Variants in MEGF11 observed in about 807,000 individuals in gnomAD.
MEGF11 encodes multiple EGF like domains 11.
A neutral mutation model predicts 146.6 loss-of-function variants in MEGF11; 126 were observed. The ratio of observed to expected loss-of-function variants is 0.86; its 90% CI spans 0.74 to 1.00. MEGF11 has a LOEUF of 1.00. Among genes scored for constraint, MEGF11 ranks in the 50% least tolerant of loss-of-function variants. The pLI, the probability that MEGF11 is intolerant of heterozygous loss-of-function variation, is 0.00. For missense variants in MEGF11, 1,509 were observed against 1,521.2 expected, an observed-to-expected ratio of 0.99 and a Z score of 0.13; for synonymous variants, 532 against 583.4, an observed-to-expected ratio of 0.91 and a Z score of 1.27.
At chr15:66,102,124 C>T (rs1320788765) in intron 4 of MEGF11, among the ~76,000 whole-genome samples, 5 of 151,080 alleles carry the variant, frequency 3.3e-5, no homozygotes. Flanking sequence ...GCATTGCAGT[C>T]AATTCCCTTA....
rs1025045462 is a variant in MEGF11, at chr15:66,179,003, C to T, written c.-8-50592G>A. ...AAACCCCATAAATTCCTGTAGCCTC[C>T]GGGTAGCCAGTGTCTACTGCTGCTA... is the stretch of plus-strand genomic sequence containing the variant. On this transcript the variant is annotated intron_variant, in intron 1 of 25. Transcript: ENST00000395614. Among the ~76,000 whole-genome samples, 7 of 152,126 alleles carry T rather than the reference C, an allele frequency of 4.6e-5. No homozygotes were observed. The East Asian group carries it at 5.8e-4, about 13-fold the overall frequency.
chr15:66,111,137 G>C (rs759379879), intron 4 of MEGF11, among the ~76,000 whole-genome samples: 4 of 152,228 alleles, frequency 2.6e-5, no homozygotes, highest in Non-Finnish European at 5.9e-5. Context: ...TTTCTGTCCT[G>C]TAAAAGGGCA....
intron 3 of MEGF11, among the ~76,000 whole-genome samples, chr15:66,122,108 C>G (rs1251210357): frequency 1.3e-5 from 2 of 151,972 alleles, no homozygotes; most frequent in Non-Finnish European, 2.9e-5. Context: ...ACTAAAAATA[C>G]AAAAATTAGA....
chr15:65,988,008 C>CTTTTT (rs35039801), intron 5 of MEGF11, among the ~76,000 whole-genome samples: 43 of 93,606 alleles, frequency 4.6e-4, no homozygotes, highest in Admixed American at 8.6e-4. Flanking sequence ...AGTACCCGGT[C>CTTTTT]TTTTTTTTTT....
chr15:65,969,166 A>G (rs966381989), intron 8 of MEGF11, among the ~76,000 whole-genome samples: 5 of 152,154 alleles, frequency 3.3e-5, no homozygotes, highest in Non-Finnish European at 5.9e-5. Context: ...GACAGGGAAA[A>G]TCGACAGCAC....
At chr15:65,991,379 T>C (rs944846367) in intron 5 of MEGF11, among the ~76,000 whole-genome samples, 2 of 152,180 alleles carry the variant, frequency 1.3e-5, no homozygotes, top group Admixed American at 1.3e-4. Flanking sequence ...ATGTGAGATG[T>C]GATTATGATT....
chr15:66,066,711 C>T (rs1461659752), intron 5 of MEGF11, among the ~76,000 whole-genome samples: 1 of 152,260 alleles, frequency 6.6e-6, no homozygotes, highest in Non-Finnish European at 1.5e-5. Context: ...GGATGCCAGC[C>T]AGAGGGCTGA....
intron 7 of MEGF11, among the ~76,000 whole-genome samples, chr15:65,979,065 C>A (rs113157026): frequency 6.6e-6 from 1 of 152,102 alleles, no homozygotes; most frequent in African/African-American, 2.4e-5. Context: ...AGAGTCCTAA[C>A]GATTAGGCTC....
At chr15:66,074,034 C>T (rs747377978) in intron 5 of MEGF11, among the ~76,000 whole-genome samples, 7 of 152,140 alleles carry the variant, frequency 4.6e-5, no homozygotes, top group Non-Finnish European at 8.8e-5. Flanking sequence ...TCTTAACATC[C>T]TCCAGTCTTG....
At chr15:66,074,232 T>C (rs1271074629) in intron 5 of MEGF11, among the ~76,000 whole-genome samples, 1 of 152,254 alleles carries the variant, frequency 6.6e-6, no homozygotes, top group Non-Finnish European at 1.5e-5. Context: ...ATTCATTATT[T>C]TGCATGCTTT....
chr15:66,173,662 C>T (rs2090320261), intron 1 of MEGF11, among the ~76,000 whole-genome samples: 1 of 152,170 alleles, frequency 6.6e-6, no homozygotes, highest in Non-Finnish European at 1.5e-5. Context: ...GGAGTTTCTC[C>T]TATAGCTGTG....
intron 1 of MEGF11, among the ~76,000 whole-genome samples, chr15:66,204,693 G>A (rs933772673): frequency 6.6e-6 from 1 of 152,076 alleles, no homozygotes. Flanking sequence ...AGCACCCAGG[G>A]GCCTCCATCA....
intron 1 of MEGF11, among the ~76,000 whole-genome samples, chr15:66,200,168 A>G (rs973929305): frequency 6.6e-6 from 1 of 152,260 alleles, no homozygotes; most frequent in Admixed American, 6.5e-5. Context: ...CAATGGTTCA[A>G]CAATTCTCCA....
intron 5 of MEGF11, among the ~76,000 whole-genome samples, chr15:66,045,165 T>C (rs1429164291): frequency 2.0e-5 from 3 of 152,202 alleles, no homozygotes; most frequent in Non-Finnish European, 2.9e-5. Context: ...CCCAGGGCGG[T>C]TGGCCTTCAT....
At chr15:66,177,511 G>C (rs1416220140) in intron 1 of MEGF11, among the ~76,000 whole-genome samples, 1 of 151,800 alleles carries the variant, frequency 6.6e-6, no homozygotes, top group Non-Finnish European at 1.5e-5. Flanking sequence ...CCTCTCCTCT[G>C]GTTCCAGGGG....
chr15:66,148,846 A>C (rs1427365106), intron 1 of MEGF11, among the ~76,000 whole-genome samples: 1 of 152,156 alleles, frequency 6.6e-6, no homozygotes, highest in Non-Finnish European at 1.5e-5. Flanking sequence ...TTAAGGCAGG[A>C]ACCGTCTGTC....
intron 1 of MEGF11, among the ~76,000 whole-genome samples, chr15:66,225,256 A>G (rs1473204336): frequency 1.3e-5 from 2 of 152,202 alleles, no homozygotes; most frequent in Non-Finnish European, 1.5e-5. Context: ...GCCATTTCCC[A>G]TCCTGGGGAA....
At chr15:66,236,937 A>G (rs1323875041) in intron 1 of MEGF11, among the ~76,000 whole-genome samples, 1 of 152,038 alleles carries the variant, frequency 6.6e-6, no homozygotes, top group East Asian at 1.9e-4. Context: ...ATTCACCTCA[A>G]TCATTCTCAG....
At chr15:66,157,876 AT>A (rs202040106) in intron 1 of MEGF11, among the ~76,000 whole-genome samples, 3 of 151,962 alleles carry the variant, frequency 2.0e-5, no homozygotes, top group African/African-American at 7.3e-5. Context: ...GTTGCAAAGT[AT>A]TTTTTTTAAT....
Sources: gnomAD v4.1 joint callset for allele counts (sites outside exome capture counted in the v4.1 genomes callset) on GRCh38, gnomAD v4.1.1 for gene constraint, MANE v1.5 for transcripts, NCBI Gene and HGNC (gene_info 2026-07-23, HGNC 2026-07-21) for gene names.